The following ZNF362 variants were observed in gnomAD, a reference collection of about 807,000 sequenced individuals.
ZNF362 encodes the protein rotund homolog.
ZNF362 carries 11 observed loss-of-function variants against 42.9 expected under a neutral mutation model. That is an observed-to-expected ratio of 0.26 (90% CI 0.16 to 0.42). The LOEUF is 0.42. ZNF362 is among the 20% of genes least tolerant of loss of function. The pLI is 1.00. For missense variants in ZNF362, 362 were observed against 576.2 expected, an observed-to-expected ratio of 0.63 and a Z score of 3.81; for synonymous variants, 255 against 257.3, an observed-to-expected ratio of 0.99 and a Z score of 0.09.
At chr1:33,297,511 CTCTTTT>C (rs1050832472) in intron 8 of ZNF362, among the ~76,000 whole-genome samples, 1 of 78,908 alleles carries the variant, frequency 1.3e-5, no homozygotes, top group Non-Finnish European at 2.3e-5. Flanking sequence ...TACATGATTC[CTCTTTT>C]TTTTTTTTTT....
chr1:33,228,693 C>T, the ZNF362 span, among the ~76,000 whole-genome samples: 1 of 152,144 alleles, frequency 6.6e-6, no homozygotes, highest in Non-Finnish European at 1.5e-5. Context: ...TGTGACTCTG[C>T]CACTCTGGAA....
the ZNF362 span, among the ~76,000 whole-genome samples, chr1:33,172,704 A>C: frequency 8.5e-5 from 13 of 152,248 alleles, no homozygotes; most frequent in South Asian, 8.3e-4. Flanking sequence ...GACTGGGGCA[A>C]CAGAGGAGTT....
Position 33,299,010 on chromosome 1 carries a change from G to C in ZNF362, c.1227G>C (p.Glu409Asp). ...GCCATCACTCGCCCCAGAGGACGGA[G>C]TCCCCCGGCATCCCGGTGCGAATCT... ...LVSHHSPQRT[E>D]SPGIPVRISL... The change falls in exon 9 of 9, where the codon GAG becomes GAC. Residue 409 changes from glutamate (E) to aspartate (D), a missense_variant. Physicochemically the swap from Glu to Asp is conservative, Grantham distance 45. Transcript: ENST00000539719. 6.2e-7 allele frequency: 1 copy of C among 1,612,286 alleles called. No individual in the cohort carries two copies. The highest frequency in any genetic ancestry group is 8.5e-7 in the Non-Finnish European group (1 of 1,180,020).
the ZNF362 span, among the ~76,000 whole-genome samples, chr1:33,175,973 G>T: frequency 6.6e-6 from 1 of 152,172 alleles, no homozygotes; most frequent in African/African-American, 2.4e-5. Flanking sequence ...TGTGGCCCGT[G>T]CTCAGCAAAG....
In ZNF362 at chr1:33,294,790, G is replaced by C; in HGVS notation, c.909-147G>C. ...AGAGCCATGGCCGTTGAAGTCCCCA[G>C]CTCTTGCCTGGGCTCACTCTTGGTC... On this transcript the variant is annotated intron_variant, in intron 6 of 8. Transcript: ENST00000539719. The surrounding 1 kb of genome is among the most constrained non-coding windows in gnomAD (Gnocchi z 4.2). 1.2e-6 allele frequency: 1 copy of C among 810,406 alleles called. No homozygotes were observed. The highest frequency in any genetic ancestry group is 2.0e-6 in the Non-Finnish European group (1 of 497,294). 50.2% of individuals were successfully genotyped at this position (810,406 alleles called of 1,614,324 possible). A position where few individuals can be genotyped will look rare whatever the true frequency, so the allele number is the denominator to read the frequency against.
At chr1:33,254,043 C>T (rs576226232), upstream of ZNF362, among the ~76,000 whole-genome samples, 14 of 151,614 alleles carry the variant, frequency 9.2e-5, 1 homozygote, top group South Asian at 2.9e-3. Context: ...AGATACTTTC[C>T]TTGACACATT....
chr1:33,219,429 A>G, the ZNF362 span, among the ~76,000 whole-genome samples: 1 of 152,210 alleles, frequency 6.6e-6, no homozygotes, highest in South Asian at 2.1e-4. Context: ...TGTCTAAGAA[A>G]GATTCACTGG....
chr1:33,215,148 G>A, the ZNF362 span, among the ~76,000 whole-genome samples: 32 of 152,248 alleles, frequency 2.1e-4, no homozygotes, highest in Middle Eastern at 3.4e-3. Flanking sequence ...GTACACAGTG[G>A]AATATTATTC....
At chr1:33,254,365 C>T (rs1339828385), upstream of ZNF362, among the ~76,000 whole-genome samples, 4 of 152,178 alleles carry the variant, frequency 2.6e-5, no homozygotes, top group Non-Finnish European at 4.4e-5. Context: ...TGGTGATCCT[C>T]CCGCCTCGGC....
At chr1:33,156,144 T>A in the ZNF362 span, among the ~76,000 whole-genome samples, 2 of 152,238 alleles carry the variant, frequency 1.3e-5, no homozygotes, top group African/African-American at 4.8e-5. Context: ...CAGTCAAGAC[T>A]GTCACTCCTG....
chr1:33,247,956 C>T, the ZNF362 span, among the ~76,000 whole-genome samples: 3 of 152,170 alleles, frequency 2.0e-5, no homozygotes, highest in Admixed American at 2.0e-4. Flanking sequence ...AGGTCAAGTC[C>T]CCAGAAGTCC....
At chr1:33,202,028 A>G in the ZNF362 span, among the ~76,000 whole-genome samples, 2 of 152,244 alleles carry the variant, frequency 1.3e-5, no homozygotes, top group Non-Finnish European at 2.9e-5. Context: ...TGAAATGGAC[A>G]AATTCCTCAA....
At chr1:33,242,344 G>A in the ZNF362 span, among the ~76,000 whole-genome samples, 2 of 152,288 alleles carry the variant, frequency 1.3e-5, no homozygotes, top group East Asian at 1.9e-4. Context: ...CAGAAATCAA[G>A]GGAGGTGAGC....
the ZNF362 span, chr1:33,181,363 G>T: frequency 1.3e-6 from 2 of 1,597,118 alleles, no homozygotes; most frequent in Non-Finnish European, 1.7e-6. The surrounding 1 kb of genome is among the most constrained non-coding windows in gnomAD (Gnocchi z 6.5). Flanking sequence ...TCGCAGCCCA[G>T]GCTCACCGGG....
At chr1:33,189,709 G>GTATATATATATATATATATATATA in the ZNF362 span, among the ~76,000 whole-genome samples, 1 of 12,450 alleles carries the variant, frequency 8.0e-5, no homozygotes, top group African/African-American at 4.6e-4. Flanking sequence ...ACATATATAC[G>GTATATATATATATATATATATATA]TATATATATA....
the ZNF362 span, among the ~76,000 whole-genome samples, chr1:33,129,133 G>A: frequency 2.0e-5 from 3 of 152,268 alleles, no homozygotes; most frequent in East Asian, 1.9e-4. This position sits in a 1 kb window ranked among gnomAD's most constrained non-coding sequence, Gnocchi z 4.1. Context: ...TCTGGGAACC[G>A]GAGTATAGGA....
chr1:33,173,057 A>G, the ZNF362 span, among the ~76,000 whole-genome samples: 35 of 152,282 alleles, frequency 2.3e-4, no homozygotes, highest in Non-Finnish European at 4.7e-4. Context: ...CAAGGATGCC[A>G]GAAACCTGAC....
chr1:33,262,633 C>G (rs1425880958), intron 1 of ZNF362, among the ~76,000 whole-genome samples: 2 of 152,172 alleles, frequency 1.3e-5, no homozygotes. Context: ...AGGGGACAGT[C>G]TAGGCAGCCA....
At chr1:33,182,103 G>A in the ZNF362 span, 1 of 152,128 alleles carries the variant, frequency 6.6e-6, no homozygotes, top group African/African-American at 2.4e-5. Context: ...CCGTGGGCGG[G>A]ACCCAAGCAA....
Sources: allele counts gnomAD v4.1 joint callset (sites outside exome capture counted in the v4.1 genomes callset), GRCh38; gene constraint gnomAD v4.1.1; non-coding constraint Gnocchi (gnomAD v3.1); transcripts MANE v1.5; gene names NCBI Gene and HGNC (gene_info 2026-07-23, HGNC 2026-07-21).